CPNE4: variants seen among roughly 807,000 people sequenced by gnomAD.
CPNE4 encodes the protein copine 4, also known as copine-4.
Under a neutral mutation model 67.9 loss-of-function variants are expected in CPNE4, and 25 were observed. That is an observed-to-expected ratio of 0.37 (90% confidence interval 0.27 to 0.51). The LOEUF is 0.51. Ranked by LOEUF, CPNE4 falls within the 20% of genes least tolerant of loss-of-function variation. The pLI is 0.93. For missense variants in CPNE4, 464 were observed against 690.8 expected (o/e 0.67, Z 3.68); for synonymous variants, 242 against 244.9 (o/e 0.99, Z 0.11).
intron 1 of CPNE4, among the ~76,000 whole-genome samples, chr3:132,005,814 C>T (rs1248786601): frequency 1.3e-5 from 2 of 151,710 alleles, no homozygotes; most frequent in Non-Finnish European, 2.9e-5. Flanking sequence ...TCTAAAAGCC[C>T]TCACAGTTCA....
intron 7 of CPNE4, among the ~76,000 whole-genome samples, chr3:131,661,321 C>A (rs1367945920): frequency 6.6e-6 from 1 of 152,114 alleles, no homozygotes; most frequent in Admixed American, 6.5e-5. Context: ...TAATTATAAG[C>A]AATTTGCGAA....
intron 6 of CPNE4, among the ~76,000 whole-genome samples, chr3:131,684,869 G>A (rs1226304565): frequency 2.0e-5 from 3 of 152,186 alleles, no homozygotes; most frequent in Admixed American, 6.5e-5. Context: ...TGTGTGTGTG[G>A]TAGTGGGTAG....
At chr3:131,651,770 C>T (rs914514914) in intron 7 of CPNE4, among the ~76,000 whole-genome samples, 1 of 152,182 alleles carries the variant, frequency 6.6e-6, no homozygotes, top group Non-Finnish European at 1.5e-5. Context: ...GTACACAATA[C>T]TGTCTTAATG....
intron 3 of CPNE4, 121 bp downstream of exon 3, chr3:131,723,325 A>G: frequency 1.2e-6 from 1 of 858,264 alleles, no homozygotes; most frequent in Non-Finnish European, 1.8e-6. Flanking sequence ...AAAATGCTGC[A>G]TGTTAAAGAA....
At chr3:131,724,858 T>A (rs2081967311) in intron 2 of CPNE4, among the ~76,000 whole-genome samples, 1 of 152,212 alleles carries the variant, frequency 6.6e-6, no homozygotes, top group South Asian at 2.1e-4. Context: ...TCTACTAGGA[T>A]CCTTATCGCT....
At chr3:131,756,107 A>G (rs2082745442) in intron 2 of CPNE4, among the ~76,000 whole-genome samples, 1 of 152,134 alleles carries the variant, frequency 6.6e-6, no homozygotes, top group Admixed American at 6.6e-5. Flanking sequence ...AAAAATGACA[A>G]AAAGCTTTGG....
intron 2 of CPNE4, among the ~76,000 whole-genome samples, chr3:131,859,545 G>A (rs2086589447): frequency 6.6e-6 from 1 of 152,064 alleles, no homozygotes; most frequent in South Asian, 2.1e-4. Context: ...GTCAGAGAGG[G>A]CTAAATATTC....
chr3:131,874,958 C>T (rs2087378505), intron 2 of CPNE4, among the ~76,000 whole-genome samples: 1 of 152,192 alleles, frequency 6.6e-6, no homozygotes. Context: ...CATTTAAAGC[C>T]TTTGCAATCT....
chr3:131,915,936 A>T (rs1439904864), intron 1 of CPNE4, among the ~76,000 whole-genome samples: 4 of 152,304 alleles, frequency 2.6e-5, no homozygotes, highest in African/African-American at 9.6e-5. Flanking sequence ...ATAGCACTCA[A>T]ATGTTTCCCA....
At chr3:131,842,239 C>A (rs539551533) in intron 2 of CPNE4, among the ~76,000 whole-genome samples, 1 of 152,294 alleles carries the variant, frequency 6.6e-6, no homozygotes, top group Non-Finnish European at 1.5e-5. Context: ...GCCAAAGGGC[C>A]AATAAGCTGA....
chr3:131,598,480 A>G (rs546086704), intron 7 of CPNE4, among the ~76,000 whole-genome samples: 7 of 152,248 alleles, frequency 4.6e-5, no homozygotes, highest in Non-Finnish European at 1.0e-4. Context: ...TTTGACAATT[A>G]AAAGTCACTT....
chr3:131,613,102 G>A (rs1939943425), intron 7 of CPNE4, among the ~76,000 whole-genome samples: 1 of 152,150 alleles, frequency 6.6e-6, no homozygotes, highest in African/African-American at 2.4e-5. Flanking sequence ...GGAGTCCATG[G>A]TTGGGTCAGA....
intron 1 of CPNE4, among the ~76,000 whole-genome samples, chr3:131,977,200 G>A (rs970573927): frequency 3.1e-4 from 47 of 152,092 alleles, no homozygotes; most frequent in African/African-American, 1.1e-3. Context: ...TAATTCTTCT[G>A]AGCAACAATA....
At chr3:131,658,379 A>G (rs1050097711) in intron 7 of CPNE4, among the ~76,000 whole-genome samples, 3 of 151,960 alleles carry the variant, frequency 2.0e-5, no homozygotes, top group Non-Finnish European at 2.9e-5. Flanking sequence ...TCTAAATTGC[A>G]TGGGGGTGGA....
chr3:131,748,332 T>G (rs538840048), intron 2 of CPNE4, among the ~76,000 whole-genome samples: 1 of 152,064 alleles, frequency 6.6e-6, no homozygotes, highest in Non-Finnish European at 1.5e-5. Flanking sequence ...ATAATTCTTT[T>G]TATATAATGC....
At chr3:131,995,044 G>A (rs976020585) in intron 1 of CPNE4, among the ~76,000 whole-genome samples, 1 of 151,980 alleles carries the variant, frequency 6.6e-6, no homozygotes, top group Non-Finnish European at 1.5e-5. Flanking sequence ...CTGTAGAGAG[G>A]GGATCTTGCT....
chr3:132,020,130 C>T (rs1220549193), intron 1 of CPNE4, among the ~76,000 whole-genome samples: 1 of 152,250 alleles, frequency 6.6e-6, no homozygotes, highest in Non-Finnish European at 1.5e-5. Flanking sequence ...CCGTCCTGCA[C>T]ATGGGAGACA....
intron 5 of CPNE4, among the ~76,000 whole-genome samples, chr3:131,688,717 C>A (rs146252678): frequency 6.6e-6 from 1 of 151,902 alleles, no homozygotes. Context: ...GTTACCATCA[C>A]TTTTATTTAA....
At chr3:131,590,246 G>A (rs1181434609) in intron 7 of CPNE4, among the ~76,000 whole-genome samples, 3 of 152,164 alleles carry the variant, frequency 2.0e-5, no homozygotes, top group African/African-American at 4.8e-5. Flanking sequence ...AGACCAGAGA[G>A]CAGCATGAGA....
Sources: gnomAD v4.1 joint callset for allele counts (sites outside exome capture counted in the v4.1 genomes callset) on GRCh38, gnomAD v4.1.1 for gene constraint, MANE v1.5 for transcripts, NCBI Gene and HGNC (gene_info 2026-07-23, HGNC 2026-07-21) for gene names.